The following HEMK2 variants were observed in gnomAD, a reference collection of about 807,000 sequenced individuals.
HEMK2 encodes methyltransferase HEMK2.
the HEMK2 span, among the ~76,000 whole-genome samples, chr21:28,684,926 T>G: frequency 6.6e-6 from 1 of 152,110 alleles, no homozygotes; most frequent in African/African-American, 2.4e-5. Flanking sequence ...CAGACACTAG[T>G]TAAAGAGGTA....
chr21:28,879,263 G>A, the HEMK2 span, among the ~76,000 whole-genome samples: 1 of 151,504 alleles, frequency 6.6e-6, no homozygotes, highest in Non-Finnish European at 1.5e-5. Flanking sequence ...TTTTTTTTGA[G>A]ACAGAGTCTC....
chr21:28,654,612 C>T, the HEMK2 span, among the ~76,000 whole-genome samples: 264 of 152,116 alleles, frequency 1.7e-3, 1 homozygote, highest in African/African-American at 6.0e-3. Flanking sequence ...ATAAAACACA[C>T]ATTTTAATGT....
At chr21:28,777,767 G>C in the HEMK2 span, among the ~76,000 whole-genome samples, 1 of 152,112 alleles carries the variant, frequency 6.6e-6, no homozygotes, top group African/African-American at 2.4e-5. Context: ...TCATCAAACA[G>C]TGTTTGATTT....
chr21:28,731,806 G>C, the HEMK2 span, among the ~76,000 whole-genome samples: 1 of 104,280 alleles, frequency 9.6e-6, no homozygotes, highest in South Asian at 2.8e-4. Context: ...ATGACATAGG[G>C]CTAGAGAGAA....
the HEMK2 span, among the ~76,000 whole-genome samples, chr21:28,751,761 C>G: frequency 6.6e-6 from 1 of 152,204 alleles, no homozygotes; most frequent in African/African-American, 2.4e-5. Flanking sequence ...CTCACCGCAA[C>G]CTCTGCCTCC....
the HEMK2 span, among the ~76,000 whole-genome samples, chr21:28,831,463 G>GAAAGAAAAGA: frequency 9.2e-5 from 1 of 10,856 alleles, no homozygotes; most frequent in Non-Finnish European, 1.6e-4. Context: ...AGAAAAGAAC[G>GAAAGAAAAGA]AAAGAAAGAA....
At chr21:28,742,845 T>G in the HEMK2 span, among the ~76,000 whole-genome samples, 1 of 152,074 alleles carries the variant, frequency 6.6e-6, no homozygotes, top group African/African-American at 2.4e-5. Context: ...GGAGAAACGT[T>G]TTTCTAGCAC....
chr21:28,581,609 T>A, the HEMK2 span, among the ~76,000 whole-genome samples: 1 of 152,318 alleles, frequency 6.6e-6, no homozygotes, highest in African/African-American at 2.4e-5. Context: ...GAGCAATTTC[T>A]CCCTAACTCA....
the HEMK2 span, among the ~76,000 whole-genome samples, chr21:28,635,777 T>C: frequency 6.6e-6 from 1 of 152,182 alleles, no homozygotes. Flanking sequence ...GACAATGCTC[T>C]TTCAGTGCTG....
chr21:28,771,523 C>CCCCCCCCCT, the HEMK2 span, among the ~76,000 whole-genome samples: 4 of 106,182 alleles, frequency 3.8e-5, no homozygotes, highest in South Asian at 5.9e-4. Context: ...GCACCACCCC[C>CCCCCCCCCT]CCCCGCCAAA....
chr21:28,611,908 T>A, the HEMK2 span, among the ~76,000 whole-genome samples: 1 of 102,248 alleles, frequency 9.8e-6, no homozygotes. Context: ...AGAGACACCA[T>A]CTCAAAAAAA....
the HEMK2 span, among the ~76,000 whole-genome samples, chr21:28,818,796 C>A: frequency 1.4e-3 from 212 of 152,272 alleles, 1 homozygote; most frequent in Non-Finnish European, 2.6e-3. Context: ...CACATTGAGG[C>A]AAAGAACTGT....
chr21:28,692,537 A>T, the HEMK2 span, among the ~76,000 whole-genome samples: 1 of 152,158 alleles, frequency 6.6e-6, no homozygotes, highest in East Asian at 1.9e-4. Context: ...AACACTATAA[A>T]ACTAACCAAA....
chr21:28,833,402 T>C, the HEMK2 span, among the ~76,000 whole-genome samples: 1 of 152,320 alleles, frequency 6.6e-6, no homozygotes, highest in East Asian at 1.9e-4. Context: ...CTAATAATTT[T>C]ACAGCAGAGA....
the HEMK2 span, among the ~76,000 whole-genome samples, chr21:28,771,518 A>ACCCCCC: frequency 2.0e-3 from 210 of 105,224 alleles, 3 homozygotes; most frequent in African/African-American, 5.7e-3. Flanking sequence ...AAGATGCACC[A>ACCCCCC]CCCCCCCCCG....
the HEMK2 span, among the ~76,000 whole-genome samples, chr21:28,879,204 C>G: frequency 6.6e-6 from 1 of 150,864 alleles, no homozygotes; most frequent in Non-Finnish European, 1.5e-5. Context: ...CCCACTTCAG[C>G]TTCCCAAGTA....
the HEMK2 span, among the ~76,000 whole-genome samples, chr21:28,744,024 G>C: frequency 6.6e-6 from 1 of 151,970 alleles, no homozygotes; most frequent in East Asian, 1.9e-4. Context: ...TAATAAGTGG[G>C]AGCTAAATAA....
the HEMK2 span, among the ~76,000 whole-genome samples, chr21:28,576,299 T>C: frequency 1.3e-5 from 2 of 152,190 alleles, no homozygotes; most frequent in Non-Finnish European, 2.9e-5. Context: ...TGCTATCTCA[T>C]TGCAGTCTTC....
the HEMK2 span, among the ~76,000 whole-genome samples, chr21:28,839,000 T>TATATATATATACAC: frequency 1.7e-5 from 1 of 58,012 alleles, no homozygotes; most frequent in African/African-American, 6.7e-5. Context: ...TATATATATA[T>TATATATATATACAC]ACATATATAT....
Sources: allele counts gnomAD v4.1 joint callset (sites outside exome capture counted in the v4.1 genomes callset), GRCh38; gene constraint gnomAD v4.1.1; transcripts MANE v1.5; gene names NCBI Gene and HGNC (gene_info 2026-07-23, HGNC 2026-07-21).